The following SLC13A3 variants were observed in gnomAD, a reference collection of about 807,000 sequenced individuals.
SLC13A3 encodes the protein Na(+)/dicarboxylate cotransporter 3.
A neutral mutation model predicts 59.0 loss-of-function variants in SLC13A3; 40 were observed. The ratio of observed to expected loss-of-function variants is 0.68; its 90% CI spans 0.53 to 0.88. The LOEUF (loss-of-function observed/expected upper bound fraction) is 0.88. Among genes scored for constraint, SLC13A3 ranks in the 40% least tolerant of loss-of-function variants. The pLI is 0.00. For missense variants in SLC13A3, 699 were observed against 783.2 expected (o/e 0.89, Z 1.28); for synonymous variants, 317 against 330.3 (o/e 0.96, Z 0.44).
intron 1 of SLC13A3, among the ~76,000 whole-genome samples, chr20:46,660,297 C>G (rs1378034707): frequency 6.6e-6 from 1 of 152,146 alleles, no homozygotes; most frequent in East Asian, 1.9e-4. Context: ...CTCTCAGCTT[C>G]TGTTTATCTG....
chr20:46,644,517 A>C (rs192831072), intron 1 of SLC13A3, among the ~76,000 whole-genome samples: 2 of 152,342 alleles, frequency 1.3e-5, no homozygotes, highest in Admixed American at 1.3e-4. Context: ...AATAAAATAA[A>C]ATGTACATGT....
intron 1 of SLC13A3, among the ~76,000 whole-genome samples, chr20:46,640,151 G>T (rs1197245114): frequency 6.6e-6 from 1 of 152,216 alleles, no homozygotes; most frequent in Non-Finnish European, 1.5e-5. Context: ...GGACAGAGGA[G>T]AGTGCAAGAA....
At chr20:46,607,719 T>C (rs1311551667) in intron 3 of SLC13A3, among the ~76,000 whole-genome samples, 1 of 152,150 alleles carries the variant, frequency 6.6e-6, no homozygotes, top group Non-Finnish European at 1.5e-5. Context: ...TTGACCACTT[T>C]GGAAAAAGTC....
chr20:46,571,345 G>A (rs757517437), intron 10 of SLC13A3, among the ~76,000 whole-genome samples: 8 of 152,104 alleles, frequency 5.3e-5, no homozygotes, highest in South Asian at 4.1e-4. Flanking sequence ...CTCTATCACC[G>A]CAACATATTT....
At chr20:46,574,557 G>A (rs910972745) in intron 10 of SLC13A3, among the ~76,000 whole-genome samples, 3 of 152,124 alleles carry the variant, frequency 2.0e-5, no homozygotes, top group Non-Finnish European at 4.4e-5. Context: ...CCTGACTTCT[G>A]AGCTCACAAA....
Position 46,651,442 on chromosome 20 carries a change from A to G in SLC13A3, c.-21T>C. The stretch of plus-strand genomic sequence containing the variant: ...GCCATCAGCGCGATCGCCTGGCGGT[A>G]CGGGCCGGCCCGGGACTGCCCCGCC... On this transcript the variant is annotated 5_prime_UTR_variant, in exon 1 of 13. Transcript: ENST00000279027. 6.9e-7 allele frequency: 1 copy of G among 1,458,318 alleles called. No individual in the cohort carries two copies. Among genetic ancestry groups the G allele is most frequent in the Non-Finnish European group, 9.0e-7 (1 of 1,111,964 alleles). 90.3% of individuals were successfully genotyped at this position (1,458,318 alleles called of 1,614,324 possible).
intron 12 of SLC13A3, among the ~76,000 whole-genome samples, chr20:46,562,798 C>G (rs924002354): frequency 6.6e-6 from 1 of 152,196 alleles, no homozygotes; most frequent in African/African-American, 2.4e-5. Flanking sequence ...CTCTCGCTCT[C>G]TCTCCCCATG....
At chr20:46,674,604 C>CGCGCGCGCGT (rs370861850), upstream of SLC13A3, among the ~76,000 whole-genome samples, 245 of 127,920 alleles carry the variant, frequency 1.9e-3, no homozygotes, top group African/African-American at 7.6e-3. Context: ...CGCGCGCGCG[C>CGCGCGCGCGT]GTGTGTGTGT....
At chr20:46,580,627 T>C (rs1340784201) in intron 9 of SLC13A3, among the ~76,000 whole-genome samples, 26 of 152,134 alleles carry the variant, frequency 1.7e-4, no homozygotes, top group Non-Finnish European at 2.9e-5. Flanking sequence ...CCTCATTTTC[T>C]AAGTGAGAAA....
At chr20:46,671,481 C>T (rs186515063), upstream of SLC13A3, among the ~76,000 whole-genome samples, 92 of 152,020 alleles carry the variant, frequency 6.1e-4, no homozygotes, top group African/African-American at 2.1e-3. Context: ...GTTTTTCAAC[C>T]CTTTGAATGT....
chr20:46,602,895 A>C (rs528194009), intron 3 of SLC13A3, among the ~76,000 whole-genome samples: 1 of 152,144 alleles, frequency 6.6e-6, no homozygotes, highest in Non-Finnish European at 1.5e-5. Context: ...GAGTTAATCT[A>C]CTGCCAGGTG....
In SLC13A3 at chr20:46,558,468, T is replaced by G. The variant is rs796723819; in HGVS notation, c.*1554A>C. 5 of 152,334 alleles carry G rather than the reference T, an allele frequency of 3.3e-5. 1 individual carries two copies. The highest frequency in any genetic ancestry group is 1.2e-4 in the African/African-American group (5 of 41,578). 9.4% of individuals were successfully genotyped at this position (152,334 alleles called of 1,614,324 possible). On this transcript the variant is annotated 3_prime_UTR_variant, in exon 13 of 13. Coordinates refer to ENST00000279027, the MANE Select transcript of SLC13A3 (RefSeq NM_022829.6). ...ATTTCACAGTATTTTTGATCAGAAG[T>G]CTTAGAAATCATGATTCATCTGGTT...
At position 46,657,394 on chromosome 20, in the gene SLC13A3, T is replaced by G. The variant is rs565846994; in HGVS notation, c.-31+12649A>C. ...TCTCAAAAAAAAAAAAAAGTCAGTG[T>G]GAGACCTTCCACTTGTCTTATACAA... On this transcript the variant is annotated intron_variant, in intron 1 of 12. Transcript: ENST00000290317. 7.9e-5 allele frequency among the ~76,000 whole-genome samples: 12 copies of G among 151,138 alleles called. No homozygotes were observed. The East Asian group carries it at 1.7e-3, about 22-fold the overall frequency.
chr20:46,663,857 A>G (rs2063046728), intron 1 of SLC13A3, among the ~76,000 whole-genome samples: 1 of 152,178 alleles, frequency 6.6e-6, no homozygotes, highest in Non-Finnish European at 1.5e-5. Flanking sequence ...TGTTTATTAG[A>G]TCTGGGCAAT....
intron 11 of SLC13A3, among the ~76,000 whole-genome samples, chr20:46,564,271 C>T (rs929527712): frequency 2.0e-5 from 3 of 152,322 alleles, no homozygotes; most frequent in African/African-American, 4.8e-5. Flanking sequence ...ATCAAACCCC[C>T]CTATGAGCTG....
intron 1 of SLC13A3, among the ~76,000 whole-genome samples, chr20:46,617,119 A>C (rs1400903164): frequency 6.6e-6 from 1 of 152,256 alleles, no homozygotes; most frequent in Non-Finnish European, 1.5e-5. Flanking sequence ...TGCCAAGAAC[A>C]GTTCCTGGCA....
At chr20:46,616,570 C>T (rs2062557236) in intron 1 of SLC13A3, among the ~76,000 whole-genome samples, 1 of 152,188 alleles carries the variant, frequency 6.6e-6, no homozygotes, top group South Asian at 2.1e-4. Context: ...AAGCTGAGAC[C>T]CTTTTGTTGG....
Position 46,559,032 on chromosome 20 carries a change from T to C in SLC13A3, c.*990A>G, listed in dbSNP as rs1039041693. 2 of 152,090 alleles carry C rather than the reference T, an allele frequency of 1.3e-5. No individual in the cohort carries two copies. The highest frequency in any genetic ancestry group is 4.8e-5 in the African/African-American group (2 of 41,426). 9.4% of individuals were successfully genotyped at this position (152,090 alleles called of 1,614,324 possible). Reference sequence around the variant, plus strand: ...TTGCCTGAGACATTTTACCCTGGCCTTTTACAAGGCCCCAATTTATCTTTT... The same window carrying C: ...TTGCCTGAGACATTTTACCCTGGCCCTTTACAAGGCCCCAATTTATCTTTT... On this transcript the variant is annotated 3_prime_UTR_variant, in exon 13 of 13. Transcript: ENST00000279027.
chr20:46,596,840 A>C (rs3092528), intron 4 of SLC13A3, among the ~76,000 whole-genome samples: 99,392 of 152,052 alleles, frequency 0.65, 34,197 homozygotes, highest in African/African-American at 0.88. Context: ...TGCTTGAGGA[A>C]AGGAGTTTGA....
Sources: gnomAD v4.1 joint callset for allele counts (sites outside exome capture counted in the v4.1 genomes callset) on GRCh38, gnomAD v4.1.1 for gene constraint, MANE v1.5 for transcripts, NCBI Gene and HGNC (gene_info 2026-07-23, HGNC 2026-07-21) for gene names.